ACYP2: variants seen among roughly 807,000 people sequenced by gnomAD.
ACYP2 encodes acylphosphatase 2.
In ACYP2, 12 loss-of-function variants were observed where a neutral mutation model predicts 11.2. The ratio of observed to expected loss-of-function variants is 1.08; its 90% confidence interval spans 0.69 to 1.74. ACYP2 has a LOEUF of 1.74. ACYP2 is among the 40% of genes most tolerant of loss of function. ACYP2 has a pLI of 0.00. For missense variants in ACYP2, 134 were observed against 101.9 expected (o/e 1.31, Z -1.35); for synonymous variants, 43 against 32.2 (o/e 1.33, Z -1.13).
Position 54,215,585 on chromosome 2 carries a change from A to G in ACYP2, c.404+76837A>G, listed in dbSNP as rs534750551. On this transcript the variant is annotated intron_variant, in intron 6 of 6. Transcript: ENST00000607452. Reference sequence around the variant, plus strand: ...CTATGATACCATGATACCATCTTGTAGATAGCTGCTATTGTGGTTTGGGCA... The same window carrying G: ...CTATGATACCATGATACCATCTTGTGGATAGCTGCTATTGTGGTTTGGGCA... 2.6e-5 allele frequency among the ~76,000 whole-genome samples: 4 copies of G among 152,336 alleles called. No individual in the cohort carries two copies. In the East Asian group the frequency reaches 7.7e-4, roughly 29 times the overall value.
intron 2 of ACYP2, among the ~76,000 whole-genome samples, chr2:53,989,399 T>C (rs1672179773): frequency 6.6e-6 from 1 of 151,758 alleles, no homozygotes; most frequent in Non-Finnish European, 1.5e-5. Context: ...CTGACAAATC[T>C]TGAGTCAGAT....
At chr2:54,204,289 G>A (rs11885441) in intron 6 of ACYP2, among the ~76,000 whole-genome samples, 1,918 of 147,614 alleles carry the variant, frequency 0.013, 36 homozygotes, top group African/African-American at 0.045. Flanking sequence ...CACTGCGCCC[G>A]GCCATGGGAT....
At chr2:54,061,823 C>T (rs184149926) in intron 4 of ACYP2, among the ~76,000 whole-genome samples, 2 of 152,080 alleles carry the variant, frequency 1.3e-5, no homozygotes, top group Admixed American at 6.6e-5. Flanking sequence ...GCTGTAGTCC[C>T]GTCATTTTGA....
chr2:54,183,409 G>A (rs1683828428), intron 6 of ACYP2, among the ~76,000 whole-genome samples: 1 of 151,970 alleles, frequency 6.6e-6, no homozygotes, highest in Admixed American at 6.6e-5. Context: ...GCTTATGCCT[G>A]TAATCTCAGC....
rs201145930 is a variant in ACYP2, at chr2:54,202,878, AG to A, written c.404+64131del. On this transcript the variant is annotated intron_variant, in intron 6 of 6. Coordinates refer to ENST00000607452, the MANE Select transcript of ACYP2 (RefSeq NM_001320586.2). Reference sequence around the variant, plus strand: ...ACAGTCTTGATTACTGTAGTTTTATAGTAAGTTTTCAAATTGAAAAGAGTGA... The same window carrying A: ...ACAGTCTTGATTACTGTAGTTTTATATAAGTTTTCAAATTGAAAAGAGTGA... 1.7e-3 allele frequency among the ~76,000 whole-genome samples: 255 copies of A among 151,698 alleles called. 1 individual carries two copies. The highest frequency in any genetic ancestry group is 5.6e-3 in the African/African-American group (234 of 41,420).
chr2:54,025,818 A>G (rs1263091673), intron 2 of ACYP2, among the ~76,000 whole-genome samples: 2 of 152,188 alleles, frequency 1.3e-5, no homozygotes, highest in African/African-American at 4.8e-5. Context: ...AACCCTGACT[A>G]GGCATGGTGG....
rs34841607 is a variant in ACYP2, at chr2:54,204,298, ATTTTT to A, written c.404+65559_404+65563del. Among the ~76,000 whole-genome samples, 14 of 146,772 alleles carry A rather than the reference ATTTTT, an allele frequency of 9.5e-5. No homozygotes were observed. In the South Asian group the frequency reaches 2.8e-3, roughly 29 times the overall value. On this transcript the variant is annotated intron_variant, in intron 6 of 6. Transcript: ENST00000607452. ...ATGAGCCACTGCGCCCGGCCATGGG[ATTTTT>A]TTTTTTTTATGATTTTTTTTTTCAG...
At chr2:54,068,563 A>G (rs1200966230) in intron 4 of ACYP2, among the ~76,000 whole-genome samples, 1 of 152,206 alleles carries the variant, frequency 6.6e-6, no homozygotes, top group East Asian at 1.9e-4. Flanking sequence ...TCCAAAGAGA[A>G]CTGCTTGGGC....
rs145466016 is a variant in ACYP2 at position 54,025,572 on chromosome 2, C to T, written c.63-25386C>T. Among the ~76,000 whole-genome samples the T allele has an allele frequency of 5.3e-4, 81 of 152,240 alleles. 1 individual carries two copies. The East Asian group carries it at 0.015, about 29-fold the overall frequency. On this transcript the variant is annotated intron_variant, in intron 2 of 6. Transcript: ENST00000607452. ...CTCATCTCTTACCTTATAAAAAAAT[C>T]AACTCAAGATGGATCAAAGACTTGA...
At chr2:53,989,661 C>G (rs1672194493) in intron 2 of ACYP2, among the ~76,000 whole-genome samples, 2 of 152,158 alleles carry the variant, frequency 1.3e-5, no homozygotes, top group African/African-American at 4.8e-5. Flanking sequence ...CCCTGACAGC[C>G]TTGTGACCCA....
chr2:54,113,813 A>C (rs1022450677), intron 4 of ACYP2, among the ~76,000 whole-genome samples: 5 of 151,956 alleles, frequency 3.3e-5, no homozygotes, highest in Admixed American at 2.6e-4. Flanking sequence ...TGTCTTGACT[A>C]TAGTTTAAAT....
intron 2 of ACYP2, among the ~76,000 whole-genome samples, chr2:54,034,200 A>G (rs1674746900): frequency 6.6e-6 from 1 of 152,158 alleles, no homozygotes; most frequent in African/African-American, 2.4e-5. Context: ...TCTACTAAAA[A>G]TACAAAAATT....
chr2:54,069,209 G>C (rs926464843), intron 4 of ACYP2, among the ~76,000 whole-genome samples: 28 of 152,252 alleles, frequency 1.8e-4, no homozygotes, highest in Middle Eastern at 3.4e-3. Flanking sequence ...GGGATTACAG[G>C]TGTCAGCCAC....
chr2:54,170,686 T>C (rs1334535981), intron 6 of ACYP2, among the ~76,000 whole-genome samples: 1 of 152,178 alleles, frequency 6.6e-6, no homozygotes, highest in East Asian at 1.9e-4. Flanking sequence ...ACTTTGGGAT[T>C]GTAATATGAC....
At chr2:54,214,887 G>T (rs1228883958) in intron 6 of ACYP2, among the ~76,000 whole-genome samples, 1 of 152,140 alleles carries the variant, frequency 6.6e-6, no homozygotes. Flanking sequence ...TGTGAGCATG[G>T]AATGTTTTTC....
In ACYP2 at chr2:54,154,192, G is replaced by GT. The variant is rs775860317; in HGVS notation, c.404+15450dup. 1.0e-3 allele frequency among the ~76,000 whole-genome samples: 159 copies of GT among 152,146 alleles called. 5 individuals carry two copies. The highest frequency in any genetic ancestry group is 1.9e-4 in the Non-Finnish European group (13 of 67,990). On this transcript the variant is annotated intron_variant, in intron 6 of 6. Coordinates refer to ENST00000607452, the MANE Select transcript of ACYP2 (RefSeq NM_001320586.2). ...ACTTTACTATTTATCACTTCTAACA[G>GT]TTTTTTGGTAGAGTCTTTATGGTTT...
chr2:53,979,197 G>C (rs1252028125), intron 2 of ACYP2, among the ~76,000 whole-genome samples: 2 of 152,108 alleles, frequency 1.3e-5, no homozygotes, highest in African/African-American at 2.4e-5. Context: ...CAAGATGTGG[G>C]GGTAGAACAG....
chr2:54,043,800 C>T (rs1675369130), intron 2 of ACYP2, among the ~76,000 whole-genome samples: 2 of 152,122 alleles, frequency 1.3e-5, no homozygotes, highest in Non-Finnish European at 1.5e-5. Context: ...TCATAAAAGG[C>T]AGCGATACAT....
intron 2 of ACYP2, among the ~76,000 whole-genome samples, chr2:54,034,975 A>ACTCCAGC (rs1239482457): frequency 7.1e-6 from 1 of 139,918 alleles, no homozygotes; most frequent in Non-Finnish European, 1.5e-5. Context: ...ATGCCACTGC[A>ACTCCAGC]CTCCAGCCCA....
Sources: gnomAD v4.1 joint callset for allele counts (sites outside exome capture counted in the v4.1 genomes callset) on GRCh38, gnomAD v4.1.1 for gene constraint, MANE v1.5 for transcripts, NCBI Gene and HGNC (gene_info 2026-07-23, HGNC 2026-07-21) for gene names.